Variants in RTN1 observed in about 807,000 individuals in gnomAD.
RTN1 encodes the protein reticulon-1.
In RTN1, 25 loss-of-function variants were observed where a neutral mutation model predicts 65.5. The observed-to-expected ratio is 0.38, with a 90% confidence interval of 0.28 to 0.53. The LOEUF is 0.53. RTN1 is among the 20% of genes least tolerant of loss of function. The pLI is 0.79. For missense variants in RTN1, 983 were observed against 1,025.4 expected (o/e 0.96, Z 0.57); for synonymous variants, 471 against 447.6 (o/e 1.05, Z -0.66).
chr14:59,725,369 C>T (rs1447283670), intron 3 of RTN1, among the ~76,000 whole-genome samples: 1 of 152,202 alleles, frequency 6.6e-6, no homozygotes. Flanking sequence ...TGTTACAGTA[C>T]AGTGACATGA....
At chr14:59,704,832 C>T (rs939366791) in intron 3 of RTN1, among the ~76,000 whole-genome samples, 2 of 152,064 alleles carry the variant, frequency 1.3e-5, no homozygotes, top group South Asian at 2.1e-4. Context: ...AAAGGTGGTG[C>T]CACAGACCAT....
rs536151964 is a variant in RTN1 at position 59,829,315 on chromosome 14, G to T, written c.241+41075C>A. Reference sequence around the variant, plus strand: ...ACATGCTGTTGCACAAAAGTGGGGGGAATCAAAATGTGATGGGTGTTTGGA... The same window carrying T: ...ACATGCTGTTGCACAAAAGTGGGGGTAATCAAAATGTGATGGGTGTTTGGA... On this transcript the variant is annotated intron_variant, in intron 1 of 8. Transcript: ENST00000267484. This position sits in a 1 kb window ranked among gnomAD's most constrained non-coding sequence, Gnocchi z 4.3. Among the ~76,000 whole-genome samples the T allele has an allele frequency of 6.6e-6, 1 of 152,208 alleles. No individual in the cohort carries two copies. The highest frequency in any genetic ancestry group is 1.9e-4 in the East Asian group (1 of 5,184).
intron 1 of RTN1, among the ~76,000 whole-genome samples, chr14:59,819,445 G>T (rs866865400): frequency 5.9e-5 from 2 of 33,620 alleles, no homozygotes; most frequent in Non-Finnish European, 5.1e-5. Context: ...CCCCCCCCCC[G>T]GCCACAGCTA....
At chr14:59,717,202 TG>T (rs1884554468) in intron 3 of RTN1, among the ~76,000 whole-genome samples, 1 of 152,176 alleles carries the variant, frequency 6.6e-6, no homozygotes, top group South Asian at 2.1e-4. Flanking sequence ...AATTAGGTTT[TG>T]GGGCACATAC....
chr14:59,618,983 A>C (rs1194442013), intron 3 of RTN1, among the ~76,000 whole-genome samples: 1 of 152,216 alleles, frequency 6.6e-6, no homozygotes, highest in Non-Finnish European at 1.5e-5. Flanking sequence ...TCTCGATGCC[A>C]ACACATCTTG....
chr14:59,647,622 A>C (rs1882929044), intron 3 of RTN1, among the ~76,000 whole-genome samples: 1 of 152,284 alleles, frequency 6.6e-6, no homozygotes, highest in Middle Eastern at 3.4e-3. Context: ...AGTGAAAATC[A>C]AGACTACAAA....
chr14:59,621,157 T>C (rs921518492), intron 3 of RTN1, among the ~76,000 whole-genome samples: 1 of 152,182 alleles, frequency 6.6e-6, no homozygotes, highest in South Asian at 2.1e-4. Context: ...GAAAAGTAGG[T>C]ATTTGAATAA....
chr14:59,850,964 T>A (rs1415664768), intron 1 of RTN1, among the ~76,000 whole-genome samples: 13 of 152,244 alleles, frequency 8.5e-5, no homozygotes, highest in Admixed American at 8.5e-4. Flanking sequence ...ACTAAGAAAG[T>A]TGACTGAATT....
At chr14:59,700,630 C>T (rs1296618109) in intron 3 of RTN1, among the ~76,000 whole-genome samples, 2 of 152,028 alleles carry the variant, frequency 1.3e-5, no homozygotes, top group Non-Finnish European at 2.9e-5. Context: ...AAAAGAACAG[C>T]CTTTTTAACA....
chr14:59,686,568 T>A (rs1427253962), intron 3 of RTN1, among the ~76,000 whole-genome samples: 8 of 152,092 alleles, frequency 5.3e-5, no homozygotes, highest in Admixed American at 4.6e-4. Flanking sequence ...TAAATGAGAA[T>A]CCACTAGATT....
At chr14:59,765,639 G>A (rs1410708989) in intron 1 of RTN1, among the ~76,000 whole-genome samples, 1 of 152,094 alleles carries the variant, frequency 6.6e-6, no homozygotes, top group Admixed American at 6.6e-5. Flanking sequence ...GCTTGCAAAA[G>A]ATACTGCATT....
intron 3 of RTN1, among the ~76,000 whole-genome samples, chr14:59,650,313 C>T (rs1594653586): frequency 6.6e-6 from 1 of 152,114 alleles, no homozygotes; most frequent in Non-Finnish European, 1.5e-5. Flanking sequence ...GGGCTTAAAA[C>T]CTAGATGATG....
At chr14:59,748,960 T>C (rs528209274) in intron 1 of RTN1, among the ~76,000 whole-genome samples, 8 of 151,526 alleles carry the variant, frequency 5.3e-5, no homozygotes, top group Admixed American at 4.6e-4. Flanking sequence ...CAGCTGATTT[T>C]TGTATTTTTA....
chr14:59,860,610 C>A lies in RTN1; in HGVS notation c.241+9780G>T, dbSNP rs1332536630. On this transcript the variant is annotated intron_variant, in intron 1 of 8. Transcript: ENST00000267484. ...ATCCATCGACAGCTTGCACCATGTG[C>A]CTGGAAAAGCCACAGGCACTCAATG... Among the ~76,000 whole-genome samples, 4 of 152,304 alleles carry A rather than the reference C, an allele frequency of 2.6e-5. No homozygotes were observed. The East Asian group carries it at 7.7e-4, about 29-fold the overall frequency.
chr14:59,746,822 C>T (rs1236432520), intron 1 of RTN1, among the ~76,000 whole-genome samples: 1 of 152,108 alleles, frequency 6.6e-6, no homozygotes, highest in Admixed American at 6.5e-5. Flanking sequence ...TAAAAAGAAA[C>T]CCTCTTTGTA....
intron 3 of RTN1, among the ~76,000 whole-genome samples, chr14:59,615,458 C>T (rs1020835783): frequency 6.6e-6 from 1 of 151,724 alleles, no homozygotes; most frequent in African/African-American, 2.4e-5. Flanking sequence ...TAAAAAAAAA[C>T]AAAACAACAA....
At position 59,870,342 on chromosome 14, in the gene RTN1, G is replaced by A. The variant is rs1887874355; in HGVS notation, c.241+48C>T. 3 of 1,436,822 alleles carry A rather than the reference G, an allele frequency of 2.1e-6. No homozygotes were observed. Among genetic ancestry groups the A allele is most frequent in the East Asian group, 5.6e-5 (2 of 36,036 alleles). 89.0% of individuals were successfully genotyped at this position (1,436,822 alleles called of 1,614,324 possible). A position where few individuals can be genotyped will look rare whatever the true frequency, so the allele number is the denominator to read the frequency against. ...GCCGCGCAGAAGGGGACTGACTGGGGGGCCCTGGTCCCCGACGCCATTTGA... is the reference window on the plus strand; with the variant it reads ...GCCGCGCAGAAGGGGACTGACTGGGAGGCCCTGGTCCCCGACGCCATTTGA... On this transcript the variant is annotated intron_variant, in intron 1 of 8. Transcript: ENST00000267484. The surrounding 1 kb of genome is among the most constrained non-coding windows in gnomAD (Gnocchi z 5.1).
At position 59,596,628 on chromosome 14, in the gene RTN1, A is replaced by G; in HGVS notation, c.*117T>C. The stretch of plus-strand genomic sequence containing the variant: ...ACAGCTGTTTTAAGGTTTGTCTCTA[A>G]GATTATGGTACTGGAGGGAGGGGGG... On this transcript the variant is annotated 3_prime_UTR_variant, in exon 9 of 9. Transcript: ENST00000267484. 2.5e-6 allele frequency: 2 copies of G among 813,874 alleles called. No individual in the cohort carries two copies. Among genetic ancestry groups the G allele is most frequent in the Non-Finnish European group, 4.3e-6 (2 of 467,930 alleles). The allele number at this position is 813,874 out of a possible 1,614,324, so 50.4% of individuals were successfully genotyped here. A position where few individuals can be genotyped will look rare whatever the true frequency, so the allele number is the denominator to read the frequency against.
intron 1 of RTN1, among the ~76,000 whole-genome samples, chr14:59,805,951 T>C (rs568509423): frequency 1.5e-4 from 23 of 152,160 alleles, no homozygotes; most frequent in African/African-American, 5.5e-4. Flanking sequence ...CATAAATAAT[T>C]ATATGGCTGG....
Sources: gnomAD v4.1 joint callset for allele counts (sites outside exome capture counted in the v4.1 genomes callset) on GRCh38, gnomAD v4.1.1 for gene constraint, Gnocchi (gnomAD v3.1) non-coding constraint, MANE v1.5 for transcripts, NCBI Gene and HGNC (gene_info 2026-07-23, HGNC 2026-07-21) for gene names.